Variants in CSMD1 observed in about 807,000 individuals in gnomAD.
CSMD1 encodes the protein CUB and Sushi multiple domains 1.
CSMD1 carries 213 observed loss-of-function variants against 417.5 expected under a neutral mutation model. The observed-to-expected ratio is 0.51, with a 90% confidence interval of 0.46 to 0.57. CSMD1 has a LOEUF of 0.57. Ranked by LOEUF, CSMD1 falls within the 20% of genes least tolerant of loss-of-function variation. CSMD1 has a pLI of 0.00. For synonymous variants in CSMD1, 2,862 were observed against 1,736.8 expected, an observed-to-expected ratio of 1.65 and a Z score of -16.11; for missense variants, 6,923 against 4,529.7, an observed-to-expected ratio of 1.53 and a Z score of -15.17.
At chr8:2,956,028 A>G (rs899757673) in intron 63 of CSMD1, among the ~76,000 whole-genome samples, 3 of 152,084 alleles carry the variant, frequency 2.0e-5, no homozygotes, top group Non-Finnish European at 4.4e-5. Context: ...GGCATGAGCC[A>G]CTACACCCAT....
chr8:4,664,612 A>G (rs372030537), intron 1 of CSMD1, among the ~76,000 whole-genome samples: 1 of 152,228 alleles, frequency 6.6e-6, no homozygotes, highest in African/African-American at 2.4e-5. Context: ...TTAAAGGAAA[A>G]GAAAATGTTT....
intron 8 of CSMD1, among the ~76,000 whole-genome samples, chr8:3,596,886 A>G (rs913807506): frequency 2.0e-5 from 3 of 152,216 alleles, no homozygotes; most frequent in African/African-American, 7.2e-5. Context: ...ACCCTACAGA[A>G]GTTGGCACAA....
At chr8:3,410,419 G>C (rs183396047) in intron 12 of CSMD1, among the ~76,000 whole-genome samples, 161 of 152,268 alleles carry the variant, frequency 1.1e-3, no homozygotes, top group Non-Finnish European at 1.8e-3. Context: ...TGTTGTGGCA[G>C]GGATCTGGTG....
At chr8:4,323,078 G>T (rs963128413) in intron 3 of CSMD1, among the ~76,000 whole-genome samples, 1 of 146,184 alleles carries the variant, frequency 6.8e-6, no homozygotes, top group African/African-American at 2.4e-5. Flanking sequence ...GAGTTAAGCA[G>T]CGAAGGAATG....
At chr8:3,076,798 G>T (rs192907274) in intron 49 of CSMD1, among the ~76,000 whole-genome samples, 2 of 152,154 alleles carry the variant, frequency 1.3e-5, no homozygotes. Flanking sequence ...CTGGGGATTC[G>T]AAGGTACAGC....
At chr8:4,439,050 C>A (rs1385457890) in intron 2 of CSMD1, among the ~76,000 whole-genome samples, 1 of 152,110 alleles carries the variant, frequency 6.6e-6, no homozygotes, top group East Asian at 1.9e-4. Context: ...GTAATCTTAG[C>A]TGATATAGGT....
intron 52 of CSMD1, among the ~76,000 whole-genome samples, chr8:3,005,501 A>C (rs1807811994): frequency 2.0e-5 from 3 of 152,348 alleles, no homozygotes; most frequent in Non-Finnish European, 4.4e-5. Context: ...ATCCTTGATG[A>C]ACATTGATGC....
At chr8:3,822,524 T>C (rs1298938976) in intron 5 of CSMD1, among the ~76,000 whole-genome samples, 1 of 152,220 alleles carries the variant, frequency 6.6e-6, no homozygotes, top group Non-Finnish European at 1.5e-5. Flanking sequence ...GCAAAGTTAA[T>C]TAATGTCTTC....
At chr8:3,215,608 C>T (rs1277428341) in intron 29 of CSMD1, among the ~76,000 whole-genome samples, 1 of 152,194 alleles carries the variant, frequency 6.6e-6, no homozygotes, top group African/African-American at 2.4e-5. Context: ...TTCTTCTTCC[C>T]AAGTAAAAAT....
chr8:3,716,952 A>C (rs1359334741), intron 6 of CSMD1, among the ~76,000 whole-genome samples: 1 of 152,224 alleles, frequency 6.6e-6, no homozygotes, highest in African/African-American at 2.4e-5. Context: ...TATAAGATTT[A>C]TGCTACTCCT....
At chr8:4,920,696 G>A (rs913014101) in intron 1 of CSMD1, among the ~76,000 whole-genome samples, 3 of 151,798 alleles carry the variant, frequency 2.0e-5, no homozygotes, top group Non-Finnish European at 2.9e-5. Context: ...GGTGGTGCAT[G>A]TCTGCAATCC....
chr8:3,045,538 T>C (rs1811379660), intron 50 of CSMD1, among the ~76,000 whole-genome samples: 1 of 152,198 alleles, frequency 6.6e-6, no homozygotes, highest in Non-Finnish European at 1.5e-5. Flanking sequence ...TTAGAGAAAA[T>C]TAGGCCTTGT....
intron 1 of CSMD1, among the ~76,000 whole-genome samples, chr8:4,962,727 G>A (rs1809589888): frequency 6.6e-6 from 1 of 152,150 alleles, no homozygotes; most frequent in African/African-American, 2.4e-5. Context: ...GGCAAGAACG[G>A]CAGGAGAAGC....
chr8:3,994,304 C>G (rs1196278307), intron 5 of CSMD1, among the ~76,000 whole-genome samples: 2 of 151,914 alleles, frequency 1.3e-5, no homozygotes, highest in African/African-American at 2.4e-5. Context: ...TGTTCCCAGC[C>G]AAGACTATAC....
At chr8:3,653,474 A>G (rs151210971) in intron 7 of CSMD1, among the ~76,000 whole-genome samples, 128 of 152,026 alleles carry the variant, frequency 8.4e-4, no homozygotes, top group African/African-American at 2.6e-3. Flanking sequence ...ACACCCGGCT[A>G]TTTTTCATAT....
intron 1 of CSMD1, among the ~76,000 whole-genome samples, chr8:4,806,403 T>TTTTTGCCATAAAAGTC (rs1328989950): frequency 1.7e-4 from 26 of 152,138 alleles, no homozygotes; most frequent in Non-Finnish European, 3.1e-4. Flanking sequence ...GAAGCAAAGT[T>TTTTTGCCATAAAAGTC]CTTTGCCATA....
intron 10 of CSMD1, among the ~76,000 whole-genome samples, chr8:3,519,451 T>C (rs983433304): frequency 6.6e-6 from 1 of 152,200 alleles, no homozygotes; most frequent in Non-Finnish European, 1.5e-5. Context: ...TTCTTGATCA[T>C]CTGAGAGGAA....
rs970999684 is a variant in CSMD1 at position 4,439,709 on chromosome 8, T to C, written c.303-19644A>G. ...TATTAAAGGCAGGGTTTAAATTTAGTTAGGTTTTGAAATAAGTAAATAGAG... is the reference window on the plus strand; with the variant it reads ...TATTAAAGGCAGGGTTTAAATTTAGCTAGGTTTTGAAATAAGTAAATAGAG... On this transcript the variant is annotated intron_variant, in intron 2 of 69. Coordinates refer to ENST00000635120, the MANE Select transcript of CSMD1 (RefSeq NM_033225.6). 2.0e-5 allele frequency among the ~76,000 whole-genome samples: 3 copies of C among 152,240 alleles called. No individual in the cohort carries two copies. In the East Asian group the frequency reaches 5.8e-4, roughly 29 times the overall value.
chr8:4,082,904 T>G (rs1455782550), intron 3 of CSMD1, among the ~76,000 whole-genome samples: 5 of 151,826 alleles, frequency 3.3e-5, no homozygotes, highest in African/African-American at 9.7e-5. Context: ...TGACAATGAT[T>G]ATTTCCAATT....
Sources: gnomAD v4.1 joint callset for allele counts (sites outside exome capture counted in the v4.1 genomes callset) on GRCh38, gnomAD v4.1.1 for gene constraint, MANE v1.5 for transcripts, NCBI Gene and HGNC (gene_info 2026-07-23, HGNC 2026-07-21) for gene names.